Variants in SAMD5 observed in about 807,000 individuals in gnomAD.
SAMD5 encodes the protein sterile alpha motif domain containing 5, also known as sterile alpha motif domain-containing protein 5.
SAMD5 carries 13 observed loss-of-function variants against 11.3 expected under a neutral mutation model. The ratio of observed to expected loss-of-function variants is 1.15; its 90% CI spans 0.75 to 1.83. SAMD5 has a LOEUF of 1.83. SAMD5 is among the 40% of genes most tolerant of loss of function. The pLI is 0.00. For missense variants in SAMD5, 255 were observed against 239.1 expected (o/e 1.07, Z -0.44); for synonymous variants, 129 against 111.3 (o/e 1.16, Z -1.00).
At chr6:147,766,944 T>A in the SAMD5 span, among the ~76,000 whole-genome samples, 3 of 152,056 alleles carry the variant, frequency 2.0e-5, no homozygotes, top group East Asian at 5.8e-4. Flanking sequence ...TTGTAGAAAC[T>A]AAGCAGATGA....
intron 1 of SAMD5, among the ~76,000 whole-genome samples, chr6:147,691,082 C>T (rs1045167796): frequency 1.3e-5 from 2 of 152,010 alleles, no homozygotes; most frequent in Non-Finnish European, 1.5e-5. Flanking sequence ...GCAACACCCC[C>T]CTCCCGAGTT....
At chr6:147,885,490 C>T in the SAMD5 span, among the ~76,000 whole-genome samples, 1 of 151,854 alleles carries the variant, frequency 6.6e-6, no homozygotes, top group Non-Finnish European at 1.5e-5. Flanking sequence ...CCTCTCTTAC[C>T]CCAAGTTCCC....
At chr6:147,703,061 G>A (rs73599425) in intron 1 of SAMD5, among the ~76,000 whole-genome samples, 9,147 of 151,778 alleles carry the variant, frequency 0.06, 305 homozygotes, top group African/African-American at 0.097. Context: ...CTTATACTTC[G>A]TTTTTTTGTT....
chr6:147,589,943 T>C (rs1004343658), intron 1 of SAMD5, among the ~76,000 whole-genome samples: 4 of 152,188 alleles, frequency 2.6e-5, no homozygotes, highest in African/African-American at 9.6e-5. Flanking sequence ...AATATGTGCA[T>C]ACATTTGTAT....
At chr6:147,862,054 C>T in the SAMD5 span, among the ~76,000 whole-genome samples, 78,609 of 152,052 alleles carry the variant, frequency 0.52, 22,569 homozygotes, top group Non-Finnish European at 0.64. Flanking sequence ...GCCTTCTGAG[C>T]TTTTACCTTC....
chr6:147,902,809 G>T, the SAMD5 span, among the ~76,000 whole-genome samples: 1 of 152,068 alleles, frequency 6.6e-6, no homozygotes, highest in Non-Finnish European at 1.5e-5. Flanking sequence ...ATCCTAAAAA[G>T]CAATTTCCTG....
chr6:147,645,218 G>A (rs1790380225), intron 1 of SAMD5, among the ~76,000 whole-genome samples: 1 of 152,148 alleles, frequency 6.6e-6, no homozygotes, highest in Non-Finnish European at 1.5e-5. Flanking sequence ...GCATGTGCAA[G>A]GAGGGATGAC....
In SAMD5 at chr6:147,540,740, AGTAGTGAC is replaced by A. The variant is rs547387109; in HGVS notation, c.460-23653_460-23646del. Among the ~76,000 whole-genome samples, 369 of 151,656 alleles carry A rather than the reference AGTAGTGAC, an allele frequency of 2.4e-3. 2 individuals carry two copies. The highest frequency in any genetic ancestry group is 8.3e-3 in the African/African-American group (341 of 41,314). On this transcript the variant is annotated intron_variant, in intron 1 of 1. Transcript: ENST00000367474. Reference sequence around the variant, plus strand: ...TTCATCAAACCCTTGCAGAGAGACAAGTAGTGACATTTACTGTTTACCCAGACAGAGAG... The same window carrying A: ...TTCATCAAACCCTTGCAGAGAGACAAATTTACTGTTTACCCAGACAGAGAG...
intron 1 of SAMD5, among the ~76,000 whole-genome samples, chr6:147,594,092 G>A (rs147105479): frequency 1.7e-3 from 255 of 151,994 alleles, no homozygotes; most frequent in African/African-American, 5.8e-3. Flanking sequence ...TCGCGCCACT[G>A]CACTCCAGCC....
the SAMD5 span, among the ~76,000 whole-genome samples, chr6:147,952,052 G>A: frequency 6.6e-6 from 1 of 152,146 alleles, no homozygotes; most frequent in South Asian, 2.1e-4. Context: ...GAACCAACAG[G>A]AGGGAAGTAG....
downstream of SAMD5, among the ~76,000 whole-genome samples, chr6:147,738,875 T>G (rs1791841539): frequency 6.6e-6 from 1 of 152,196 alleles, no homozygotes; most frequent in African/African-American, 2.4e-5. Flanking sequence ...TGGGAAATAA[T>G]TCAAAACCTT....
intron 1 of SAMD5, among the ~76,000 whole-genome samples, chr6:147,599,488 G>A (rs1426786540): frequency 6.6e-6 from 1 of 152,108 alleles, no homozygotes; most frequent in African/African-American, 2.4e-5. Context: ...GAAATGGAGG[G>A]AAAATATATT....
At chr6:147,587,425 T>G (rs1789389807) in intron 1 of SAMD5, among the ~76,000 whole-genome samples, 2 of 151,962 alleles carry the variant, frequency 1.3e-5, no homozygotes, top group Admixed American at 6.6e-5. Context: ...TTAGTAGAGA[T>G]AGGATTTCAT....
At chr6:147,574,140 C>CA (rs1489395732), downstream of SAMD5, among the ~76,000 whole-genome samples, 10 of 145,220 alleles carry the variant, frequency 6.9e-5, no homozygotes, top group Admixed American at 7.0e-4. Context: ...AAAAAAAAAA[C>CA]AAAAAACTTA....
chr6:147,524,788 T>C (rs1053017017), intron 1 of SAMD5, among the ~76,000 whole-genome samples: 1 of 152,182 alleles, frequency 6.6e-6, no homozygotes, highest in African/African-American at 2.4e-5. Flanking sequence ...GGAAAAAGCC[T>C]TGAAATATGT....
At chr6:147,670,791 G>A (rs1442077214) in intron 1 of SAMD5, among the ~76,000 whole-genome samples, 2 of 152,158 alleles carry the variant, frequency 1.3e-5, no homozygotes, top group Non-Finnish European at 2.9e-5. Flanking sequence ...AGACTATTAA[G>A]TTTCTCCATA....
chr6:147,645,890 C>T lies in SAMD5; in HGVS notation c.163-91427C>T, dbSNP rs566056972. On this transcript the variant is annotated intron_variant, in intron 1 of 1. Coordinates refer to the SAMD5 transcript ENST00000566741. ...CATCTAATGAAATACATCCACGGGC[C>T]GGAACTGGCTCTCGGATCATCAGTT... Among the ~76,000 whole-genome samples, 6 of 152,240 alleles carry T rather than the reference C, an allele frequency of 3.9e-5. No individual in the cohort carries two copies. In the South Asian group the frequency reaches 6.2e-4, roughly 16 times the overall value.
chr6:147,597,640 A>C (rs1268066497), intron 1 of SAMD5, among the ~76,000 whole-genome samples: 1 of 152,246 alleles, frequency 6.6e-6, no homozygotes, highest in Non-Finnish European at 1.5e-5. Flanking sequence ...TCAATAAAGC[A>C]AGAAAATTAT....
chr6:147,540,183 A>T (rs78315126), intron 1 of SAMD5, among the ~76,000 whole-genome samples: 2,514 of 152,168 alleles, frequency 0.017, 51 homozygotes, highest in South Asian at 0.064. Context: ...AATAGGGGGG[A>T]AAACCTCAAT....
Sources: allele counts gnomAD v4.1 joint callset (sites outside exome capture counted in the v4.1 genomes callset), GRCh38; gene constraint gnomAD v4.1.1; transcripts MANE v1.5; gene names NCBI Gene and HGNC (gene_info 2026-07-23, HGNC 2026-07-21).